FOSL2: variants seen among roughly 807,000 people sequenced by gnomAD.
FOSL2 encodes the protein FOS like 2, AP-1 transcription factor subunit.
A neutral mutation model predicts 27.7 loss-of-function variants in FOSL2; 3 were observed. The ratio of observed to expected loss-of-function variants is 0.11; its 90% CI spans 0.05 to 0.28. The LOEUF (loss-of-function observed/expected upper bound fraction) is 0.28. FOSL2 is among the 10% of genes least tolerant of loss of function. The pLI is 1.00. For missense variants in FOSL2, 333 were observed against 445.1 expected, an observed-to-expected ratio of 0.75 and a Z score of 2.27; for synonymous variants, 179 against 190.1, an observed-to-expected ratio of 0.94 and a Z score of 0.48.
At chr2:28,395,918 C>T (rs1663823495) in intron 1 of FOSL2, 1 of 152,124 alleles carries the variant, frequency 6.6e-6, no homozygotes, top group Admixed American at 6.5e-5. Flanking sequence ...TAAGGACTGA[C>T]CTCAGAGGCT....
rs529312268 is a variant in FOSL2, at chr2:28,407,170, T to C, written c.355-1589T>C. Among the ~76,000 whole-genome samples, 369 of 152,290 alleles carry C rather than the reference T, an allele frequency of 2.4e-3. 3 individuals are homozygous for C. The highest frequency in any genetic ancestry group is 8.4e-3 in the African/African-American group (351 of 41,574). ...GGCCAGCCTCCTTCTTTTCTGCCTC[T>C]CATTAGCGAGGGATCTAGGGGGCTT... On this transcript the variant is annotated intron_variant, in intron 2 of 3. Transcript: ENST00000264716.
rs1473831614 is a variant in FOSL2 at position 28,412,400 on chromosome 2, G to C, written c.933G>C (p.Gly311=). 1 of 1,604,834 alleles carries C rather than the reference G, an allele frequency of 6.2e-7. No homozygotes were observed. The highest frequency in any genetic ancestry group is 2.2e-5 in the East Asian group (1 of 44,864). ...CTCACCGCAGAAGCAGTAGCAGCGG[G>C]GACCAATCATCAGACTCCTTGAACT... ...SKAHRRSSSS[G]DQSSDSLNSP... is the part of the protein sequence containing the mutation. Residue 311 remains glycine, a synonymous_variant, in exon 4 of 4, where the codon GGG becomes GGC. Coordinates refer to ENST00000264716, the MANE Select transcript of FOSL2 (RefSeq NM_005253.4). The surrounding 1 kb of genome is among the most constrained non-coding windows in gnomAD (Gnocchi z 7.1).
At chr2:28,396,388 ATC>A (rs1461629700) in intron 1 of FOSL2, among the ~76,000 whole-genome samples, 1 of 152,132 alleles carries the variant, frequency 6.6e-6, no homozygotes, top group Non-Finnish European at 1.5e-5. Flanking sequence ...TATAGTTTTA[ATC>A]TCAAAGGTTG....
chr2:28,404,445 T>G lies in FOSL2; in HGVS notation c.354+87T>G, dbSNP rs1572490149. On this transcript the variant is annotated intron_variant, in intron 2 of 3. Coordinates refer to ENST00000264716, the MANE Select transcript of FOSL2 (RefSeq NM_005253.4). The surrounding 1 kb of genome is among the most constrained non-coding windows in gnomAD (Gnocchi z 4.7). Reference sequence around the variant, plus strand: ...AACGGGTTTCTGCAGACTGGGAGGGTTAATGTTCTGAGAGCAGGGGAGACA... The same window carrying G: ...AACGGGTTTCTGCAGACTGGGAGGGGTAATGTTCTGAGAGCAGGGGAGACA... 9.6e-5 allele frequency: 142 copies of G among 1,485,648 alleles called. No individual in the cohort carries two copies. Among genetic ancestry groups the G allele is most frequent in the Non-Finnish European group, 1.1e-4 (125 of 1,098,488 alleles). 92.0% of individuals were successfully genotyped at this position (1,485,648 alleles called of 1,614,324 possible).
chr2:28,408,706 T>C lies in FOSL2; in HGVS notation c.355-53T>C, dbSNP rs1422299826. The C allele has an allele frequency of 2.3e-6, 3 of 1,305,420 alleles. No homozygotes were observed. The highest frequency in any genetic ancestry group is 3.2e-6 in the Non-Finnish European group (3 of 948,248). 80.9% of individuals were successfully genotyped at this position (1,305,420 alleles called of 1,614,324 possible). ...TACTTAAAATACAGTTTTTAAAAAA[T>C]ACTGTGAACCATTGTCTCTGTTCTA... On this transcript the variant is annotated intron_variant, in intron 2 of 3. Coordinates refer to ENST00000264716, the MANE Select transcript of FOSL2 (RefSeq NM_005253.4). This position sits in a 1 kb window ranked among gnomAD's most constrained non-coding sequence, Gnocchi z 4.1.
In FOSL2 at chr2:28,415,595, G is replaced by A. The variant is rs946981711; in HGVS notation, c.*3147G>A. On this transcript the variant is annotated 3_prime_UTR_variant, in exon 4 of 4. Transcript: ENST00000264716. ...GACTTTTTTTCTCTTTTCCTTGATG[G>A]ACCAACAGTGCAAATGCAATCTCGC... is the stretch of plus-strand genomic sequence containing the variant. 6.6e-6 allele frequency: 1 copy of A among 152,190 alleles called. No homozygotes were observed. The highest frequency in any genetic ancestry group is 1.5e-5 in the Non-Finnish European group (1 of 68,044). The allele number at this position is 152,190 out of a possible 1,614,324, so 9.4% of individuals were successfully genotyped here. A position where few individuals can be genotyped will look rare whatever the true frequency, so the allele number is the denominator to read the frequency against.
intron 2 of FOSL2, among the ~76,000 whole-genome samples, chr2:28,407,938 C>T (rs1664117289): frequency 6.6e-6 from 1 of 152,222 alleles, no homozygotes; most frequent in South Asian, 2.1e-4. Flanking sequence ...AAGCTCTTTG[C>T]AGGGGAATCT....
chr2:28,410,104 T>C (rs1414725690), intron 3 of FOSL2, among the ~76,000 whole-genome samples: 1 of 152,212 alleles, frequency 6.6e-6, no homozygotes, highest in Non-Finnish European at 1.5e-5. Flanking sequence ...TCTTTCTCTG[T>C]CCTGCAGCCC....
chr2:28,397,788 A>C (rs894896963), intron 1 of FOSL2, among the ~76,000 whole-genome samples: 2 of 152,200 alleles, frequency 1.3e-5, no homozygotes, highest in African/African-American at 4.8e-5. Context: ...TAGACTCAGA[A>C]AGGTTTTGCA....
chr2:28,404,343 G>A lies in FOSL2; in HGVS notation c.339G>A (p.Arg113=). Residue 113 remains arginine (R), a synonymous_variant, in exon 2 of 4, where the codon AGG becomes AGA. Coordinates refer to ENST00000264716, the MANE Select transcript of FOSL2 (RefSeq NM_005253.4). This position sits in a 1 kb window ranked among gnomAD's most constrained non-coding sequence, Gnocchi z 4.7. ...CCATTGGCACCACCGTGGGCCGCAG[G>A]AGGAGAGATGAGCAGGTACAGCTCA... ...IKTIGTTVGR[R]RRDEQLSPEE... is the part of the protein sequence containing the mutation. 1 of 1,614,134 alleles carries A rather than the reference G, an allele frequency of 6.2e-7. No individual in the cohort carries two copies. The highest frequency in any genetic ancestry group is 8.5e-7 in the Non-Finnish European group (1 of 1,180,000).
rs1244603753 is a variant in FOSL2 at position 28,414,991 on chromosome 2, T to C, written c.*2543T>C. ...GTCGTGAGCATATCCTGAGTTTTAC[T>C]TCCTTATGGCTTGCCCTCCAAGTTC... On this transcript the variant is annotated 3_prime_UTR_variant, in exon 4 of 4. Coordinates refer to ENST00000264716, the MANE Select transcript of FOSL2 (RefSeq NM_005253.4). 1.3e-5 allele frequency: 2 copies of C among 152,232 alleles called. No individual in the cohort carries two copies. The highest frequency in any genetic ancestry group is 2.9e-5 in the Non-Finnish European group (2 of 68,054). 9.4% of individuals were successfully genotyped at this position (152,232 alleles called of 1,614,324 possible).
At chr2:28,406,163 A>G (rs908452800) in intron 2 of FOSL2, among the ~76,000 whole-genome samples, 1 of 151,518 alleles carries the variant, frequency 6.6e-6, no homozygotes, top group African/African-American at 2.4e-5. Context: ...GGTTCAAGCA[A>G]TTCTCCTGCC....
At chr2:28,394,180 G>A in intron 1 of FOSL2, among the ~76,000 whole-genome samples, 1 of 144,598 alleles carries the variant, frequency 6.9e-6, no homozygotes, top group Admixed American at 7.1e-5. Flanking sequence ...TCTCTGGGTG[G>A]TGGACAGACA....
In FOSL2 at chr2:28,413,527, C is replaced by T. The variant is rs1572498258; in HGVS notation, c.*1079C>T. On this transcript the variant is annotated 3_prime_UTR_variant, in exon 4 of 4. Transcript: ENST00000264716. Reference sequence around the variant, plus strand: ...ACCTTCCCCAGATGCTGCCAGGCAGCCCCTCCCCAAGCCTCAAAGAAGCAT... The same window carrying T: ...ACCTTCCCCAGATGCTGCCAGGCAGTCCCTCCCCAAGCCTCAAAGAAGCAT... 2.5e-6 allele frequency: 1 copy of T among 398,692 alleles called. No homozygotes were observed. The highest frequency in any genetic ancestry group is 4.4e-6 in the Non-Finnish European group (1 of 226,120). The allele number at this position is 398,692 out of a possible 1,614,324, so 24.7% of individuals were successfully genotyped here. A position where few individuals can be genotyped will look rare whatever the true frequency, so the allele number is the denominator to read the frequency against.
At position 28,413,039 on chromosome 2, in the gene FOSL2, G is replaced by A. The variant is rs1009653607; in HGVS notation, c.*591G>A. 5 of 160,930 alleles carry A rather than the reference G, an allele frequency of 3.1e-5. No individual in the cohort carries two copies. The highest frequency in any genetic ancestry group is 6.7e-5 in the Non-Finnish European group (5 of 74,498). 10.0% of individuals were successfully genotyped at this position (160,930 alleles called of 1,614,324 possible). On this transcript the variant is annotated 3_prime_UTR_variant, in exon 4 of 4. Coordinates refer to ENST00000264716, the MANE Select transcript of FOSL2 (RefSeq NM_005253.4). Reference sequence around the variant, plus strand: ...AGAAGGGGACAAAGTGCAATACAGAGCCTTCCCTACCCTGACGCCTCCCAG... The same window carrying A: ...AGAAGGGGACAAAGTGCAATACAGAACCTTCCCTACCCTGACGCCTCCCAG...
rs572460328 is a variant in FOSL2, at chr2:28,413,674, C to T, written c.*1226C>T. 35 of 399,232 alleles carry T rather than the reference C, an allele frequency of 8.8e-5. No individual in the cohort carries two copies. The highest frequency in any genetic ancestry group is 2.6e-4 in the Admixed American group (6 of 22,752). 24.7% of individuals were successfully genotyped at this position (399,232 alleles called of 1,614,324 possible). A position where few individuals can be genotyped will look rare whatever the true frequency, so the allele number is the denominator to read the frequency against. On this transcript the variant is annotated 3_prime_UTR_variant, in exon 4 of 4. Coordinates refer to ENST00000264716, the MANE Select transcript of FOSL2 (RefSeq NM_005253.4). ...GGCTGCTCACCTCCCCGCAGGGCAC[C>T]GGGCCTTTCCTGCCCTCTGTGGTCA... is the stretch of plus-strand genomic sequence containing the variant.
In FOSL2 at chr2:28,413,398, A is replaced by G; in HGVS notation, c.*950A>G. On this transcript the variant is annotated 3_prime_UTR_variant, in exon 4 of 4. Coordinates refer to ENST00000264716, the MANE Select transcript of FOSL2 (RefSeq NM_005253.4). ...CCGGACCAGGGAGGCGTCCCTCCCTAGGAGCCACACATTATACTCCAAGTC... is the reference window on the plus strand; with the variant it reads ...CCGGACCAGGGAGGCGTCCCTCCCTGGGAGCCACACATTATACTCCAAGTC... 2.5e-6 allele frequency: 1 copy of G among 397,994 alleles called. No homozygotes were observed. The highest frequency in any genetic ancestry group is 4.4e-6 in the Non-Finnish European group (1 of 226,078). 24.7% of individuals were successfully genotyped at this position (397,994 alleles called of 1,614,324 possible).
rs1158323063 is a variant in FOSL2, at chr2:28,415,117, T to C, written c.*2669T>C. On this transcript the variant is annotated 3_prime_UTR_variant, in exon 4 of 4. Coordinates refer to ENST00000264716, the MANE Select transcript of FOSL2 (RefSeq NM_005253.4). ...CATTGGGGCTGCCTTTCTGTTTGGC[T>C]TAGGAACTTCTGTGCTTCTTGTGGC... 6.6e-6 allele frequency: 1 copy of C among 152,348 alleles called. No individual in the cohort carries two copies. Among genetic ancestry groups the C allele is most frequent in the African/African-American group, 2.4e-5 (1 of 41,426 alleles). The allele number at this position is 152,348 out of a possible 1,614,324, so 9.4% of individuals were successfully genotyped here.
rs1027104724 is a variant in FOSL2, at chr2:28,408,213, G to A, written c.355-546G>A. Among the ~76,000 whole-genome samples the A allele has an allele frequency of 2.0e-5, 3 of 152,182 alleles. No homozygotes were observed. Among genetic ancestry groups the A allele is most frequent in the African/African-American group, 7.2e-5 (3 of 41,442 alleles). ...AGTGGCACTCTTGGCCCTCCCATCA[G>A]CAACATAACATTCCCCCCTGGGTGG... On this transcript the variant is annotated intron_variant, in intron 2 of 3. Transcript: ENST00000264716. This position sits in a 1 kb window ranked among gnomAD's most constrained non-coding sequence, Gnocchi z 4.1.
Sources: allele counts gnomAD v4.1 joint callset (sites outside exome capture counted in the v4.1 genomes callset), GRCh38; gene constraint gnomAD v4.1.1; non-coding constraint Gnocchi (gnomAD v3.1); transcripts MANE v1.5; gene names NCBI Gene and HGNC (gene_info 2026-07-23, HGNC 2026-07-21).